RIMBP2: variants seen among roughly 807,000 people sequenced by gnomAD.
The protein encoded by RIMBP2 is RIMS binding protein 2.
RIMBP2 carries 48 observed loss-of-function variants against 118.6 expected under a neutral mutation model. That is an observed-to-expected ratio of 0.40 (90% CI 0.32 to 0.51). RIMBP2 has a LOEUF of 0.51. Ranked by LOEUF, RIMBP2 falls within the 20% of genes least tolerant of loss-of-function variation. The pLI, the probability that RIMBP2 is intolerant of heterozygous loss-of-function variation, is 0.41. For synonymous variants in RIMBP2, 762 were observed against 742.9 expected (o/e 1.03, Z -0.42); for missense variants, 1,551 against 1,768.3 (o/e 0.88, Z 2.20).
At chr12:130,460,347 G>A (rs2079868187) in intron 6 of RIMBP2, among the ~76,000 whole-genome samples, 1 of 152,170 alleles carries the variant, frequency 6.6e-6, no homozygotes, top group South Asian at 2.1e-4. Flanking sequence ...CCGTAATCAT[G>A]GTGGCAGTAT....
chr12:130,604,014 C>T (rs1056405015), intron 2 of RIMBP2, among the ~76,000 whole-genome samples: 10 of 152,106 alleles, frequency 6.6e-5, no homozygotes, highest in Admixed American at 2.0e-4. Flanking sequence ...AGGAGATGGC[C>T]GCTCCACGCG....
rs192422239 is a variant in RIMBP2, at chr12:130,446,948, C to T, written c.582-1679G>A. ...AGGGACTGAGGTGCAGGAGGACCCT[C>T]GGCTTTCTGGCCTCAGGGTGAGCAG... On this transcript the variant is annotated intron_variant, in intron 9 of 22. Transcript: ENST00000690449. The surrounding 1 kb of genome is among the most constrained non-coding windows in gnomAD (Gnocchi z 4.1). 1.4e-3 allele frequency among the ~76,000 whole-genome samples: 200 copies of T among 145,948 alleles called. 2 individuals are homozygous for T. The highest frequency in any genetic ancestry group is 4.9e-3 in the African/African-American group (190 of 38,810).
intron 2 of RIMBP2, among the ~76,000 whole-genome samples, chr12:130,602,395 A>G (rs1405804668): frequency 6.6e-6 from 1 of 152,214 alleles, no homozygotes; most frequent in African/African-American, 2.4e-5. Flanking sequence ...TGCTCCAGAC[A>G]CACCCTTTGA....
chr12:130,396,323 G>A lies in RIMBP2; in HGVS notation c.*1038C>T, dbSNP rs866123458. 8 of 152,438 alleles carry A rather than the reference G, an allele frequency of 5.2e-5. No homozygotes were observed. The highest frequency in any genetic ancestry group is 2.6e-4 in the Admixed American group (4 of 15,248). 9.4% of individuals were successfully genotyped at this position (152,438 alleles called of 1,614,324 possible). A position where few individuals can be genotyped will look rare whatever the true frequency, so the allele number is the denominator to read the frequency against. ...AAGCTTTGTCATTCATTTATAAACCGTCCATAAATTACAAAAGAAAGGCAG... is the reference window on the plus strand; with the variant it reads ...AAGCTTTGTCATTCATTTATAAACCATCCATAAATTACAAAAGAAAGGCAG... On this transcript the variant is annotated 3_prime_UTR_variant, in exon 23 of 23. Transcript: ENST00000690449.
At chr12:130,582,033 T>C (rs2058514628) in intron 2 of RIMBP2, among the ~76,000 whole-genome samples, 1 of 152,070 alleles carries the variant, frequency 6.6e-6, no homozygotes, top group Non-Finnish European at 1.5e-5. Context: ...CTTCCGTGAA[T>C]ACCCACGTGG....
intron 2 of RIMBP2, among the ~76,000 whole-genome samples, chr12:130,526,249 G>C (rs766246504): frequency 2.6e-5 from 4 of 151,822 alleles, no homozygotes; most frequent in Non-Finnish European, 1.5e-5. Context: ...TATTCAGGAC[G>C]AAAGCCAACA....
Position 130,412,791 on chromosome 12 carries a change from G to C in RIMBP2, c.3421-4C>G. 6.2e-7 allele frequency: 1 copy of C among 1,607,346 alleles called. No individual in the cohort carries two copies. The highest frequency in any genetic ancestry group is 2.2e-5 in the East Asian group (1 of 44,798). On this transcript the variant is annotated splice_polypyrimidine_tract_variant and splice_region_variant and intron_variant, in intron 18 of 22. Coordinates refer to ENST00000690449, the MANE Select transcript of RIMBP2 (RefSeq NM_001393629.1). ...CAGCGTCTTTATCACCATAAACCTA[G>C]AGCCAAGGGGGAAAATAAATCAAGC... is the stretch of plus-strand genomic sequence containing the variant.
chr12:130,453,690 C>A (rs2079186494), intron 7 of RIMBP2, among the ~76,000 whole-genome samples: 1 of 152,182 alleles, frequency 6.6e-6, no homozygotes, highest in African/African-American at 2.4e-5. Context: ...GGGCCGGGGG[C>A]TGTTGATCGA....
At chr12:130,409,036 C>G (rs1288030665) in intron 19 of RIMBP2, among the ~76,000 whole-genome samples, 2 of 152,182 alleles carry the variant, frequency 1.3e-5, no homozygotes, top group Non-Finnish European at 2.9e-5. Context: ...TCGTGTTTCT[C>G]AGCATTATTC....
rs367767248 is a variant in RIMBP2 at position 130,456,203 on chromosome 12, C to T, written c.358+293G>A. Among the ~76,000 whole-genome samples, 13 of 152,318 alleles carry T rather than the reference C, an allele frequency of 8.5e-5. No individual in the cohort carries two copies. The South Asian group carries it at 2.7e-3, about 32-fold the overall frequency. On this transcript the variant is annotated intron_variant, in intron 7 of 22. Coordinates refer to ENST00000690449, the MANE Select transcript of RIMBP2 (RefSeq NM_001393629.1). Reference sequence around the variant, plus strand: ...TTCAAATCCCAGACTGAGCCTCCATCAGCATCTGTGTGACCCACACTAGTG... The same window carrying T: ...TTCAAATCCCAGACTGAGCCTCCATTAGCATCTGTGTGACCCACACTAGTG...
intron 21 of RIMBP2, among the ~76,000 whole-genome samples, chr12:130,400,301 C>T (rs11060861): frequency 0.026 from 3,987 of 152,332 alleles, 105 homozygotes; most frequent in Admixed American, 0.068. Flanking sequence ...ACTGTCCTCC[C>T]TCTTACTCAT....
chr12:130,423,159 G>C (rs2076522395), intron 16 of RIMBP2, among the ~76,000 whole-genome samples: 1 of 152,176 alleles, frequency 6.6e-6, no homozygotes, highest in Admixed American at 6.5e-5. Context: ...CTTTAGATCA[G>C]GGTTAGGATT....
chr12:130,564,569 C>G (rs1230695610), intron 2 of RIMBP2, among the ~76,000 whole-genome samples: 2 of 152,112 alleles, frequency 1.3e-5, no homozygotes, highest in African/African-American at 4.8e-5. Flanking sequence ...TATTATTCAG[C>G]CTGAAAAAAG....
intron 1 of RIMBP2, among the ~76,000 whole-genome samples, chr12:130,659,155 CT>C (rs2063549074): frequency 6.6e-6 from 1 of 152,182 alleles, no homozygotes. Flanking sequence ...ACCTGCATAA[CT>C]TTACACTGTC....
chr12:130,468,615 C>T (rs561554480), intron 6 of RIMBP2, among the ~76,000 whole-genome samples: 13 of 152,264 alleles, frequency 8.5e-5, no homozygotes, highest in South Asian at 6.2e-4. Flanking sequence ...CAGAGAGGAG[C>T]GCAGGCAGCC....
chr12:130,442,650 G>A lies in RIMBP2; in HGVS notation c.702C>T (p.Leu234=), dbSNP rs138240881. 91 of 1,613,600 alleles carry A rather than the reference G, an allele frequency of 5.6e-5. No homozygotes were observed. The highest frequency in any genetic ancestry group is 3.3e-4 in the Middle Eastern group (2 of 6,056). ...AGGGCACCAGACCCCTCTGGCCATC[G>A]AGGAGCTCTCCTGTTGGGTACAAGG... ...DEDGFYEGEL[L]DGQRGLVPSN... Residue 234 remains leucine (L), a synonymous_variant, in exon 11 of 23, where the codon CTC becomes CTT. Coordinates refer to ENST00000690449, the MANE Select transcript of RIMBP2 (RefSeq NM_001393629.1). The surrounding 1 kb of genome is among the most constrained non-coding windows in gnomAD (Gnocchi z 6.9).
intron 1 of RIMBP2, among the ~76,000 whole-genome samples, chr12:130,654,391 A>G (rs765871840): frequency 1.3e-5 from 2 of 152,192 alleles, no homozygotes; most frequent in Admixed American, 6.5e-5. Flanking sequence ...TTCTTTGCTT[A>G]GGCATAATAT....
At chr12:130,642,038 G>A (rs571208430) in intron 1 of RIMBP2, among the ~76,000 whole-genome samples, 69 of 152,262 alleles carry the variant, frequency 4.5e-4, no homozygotes, top group Non-Finnish European at 8.1e-4. Flanking sequence ...AAATAGCAGA[G>A]CCCAGAGTCA....
intron 2 of RIMBP2, among the ~76,000 whole-genome samples, chr12:130,606,148 A>G (rs536946136): frequency 6.6e-6 from 1 of 152,356 alleles, no homozygotes; most frequent in South Asian, 2.1e-4. Flanking sequence ...AGTATGAACA[A>G]TAACAACTGG....
Sources: allele counts gnomAD v4.1 joint callset (sites outside exome capture counted in the v4.1 genomes callset), GRCh38; gene constraint gnomAD v4.1.1; non-coding constraint Gnocchi (gnomAD v3.1); transcripts MANE v1.5; gene names NCBI Gene and HGNC (gene_info 2026-07-23, HGNC 2026-07-21).